The following PHF20L1 variants were observed in gnomAD, a reference collection of about 807,000 sequenced individuals.
PHF20L1 encodes the protein PHD finger protein 20 like 1.
PHF20L1 carries 44 observed loss-of-function variants against 125.5 expected under a neutral mutation model. The ratio of observed to expected loss-of-function variants is 0.35; its 90% CI spans 0.28 to 0.45. The LOEUF is 0.45. Ranked by LOEUF, PHF20L1 falls within the 20% of genes least tolerant of loss-of-function variation. PHF20L1 has a pLI of 1.00. For missense variants in PHF20L1, 1,012 were observed against 1,217.2 expected (o/e 0.83, Z 2.51); for synonymous variants, 380 against 403.1 (o/e 0.94, Z 0.69).
intron 4 of PHF20L1, among the ~76,000 whole-genome samples, chr8:132,797,847 ATTC>A (rs1832592927): frequency 6.6e-6 from 1 of 152,042 alleles, no homozygotes; most frequent in Non-Finnish European, 1.5e-5. Flanking sequence ...CTTGTTTATA[ATTC>A]TTTTATAAAG....
At chr8:132,822,401 C>T (rs2131747470) in intron 12 of PHF20L1, among the ~76,000 whole-genome samples, 1 of 152,050 alleles carries the variant, frequency 6.6e-6, no homozygotes, top group East Asian at 1.9e-4. Flanking sequence ...TTCTAAACAT[C>T]ATTGTTCCAC....
At chr8:132,779,932 A>G (rs1269822470) in intron 2 of PHF20L1, among the ~76,000 whole-genome samples, 3 of 152,196 alleles carry the variant, frequency 2.0e-5, no homozygotes, top group Non-Finnish European at 2.9e-5. Flanking sequence ...GTTTAGATTT[A>G]ATTTTAATGA....
intron 2 of PHF20L1, among the ~76,000 whole-genome samples, chr8:132,783,486 T>C (rs1447104699): frequency 6.6e-6 from 1 of 152,144 alleles, no homozygotes; most frequent in Non-Finnish European, 1.5e-5. Flanking sequence ...AAAAAGTTAC[T>C]TTTTTTCTAA....
At chr8:132,801,238 G>A (rs1353381148) in intron 6 of PHF20L1, among the ~76,000 whole-genome samples, 1 of 151,666 alleles carries the variant, frequency 6.6e-6, no homozygotes, top group African/African-American at 2.4e-5. Flanking sequence ...ACTCACTAGT[G>A]TTAATGGTTG....
chr8:132,837,151 ACTT>A (rs925978482), intron 16 of PHF20L1, among the ~76,000 whole-genome samples: 96 of 152,254 alleles, frequency 6.3e-4, no homozygotes, highest in African/African-American at 2.2e-3. Context: ...GGAGTTAACA[ACTT>A]CTTCTTGTAG....
At chr8:132,780,844 CTTT>C (rs199806400) in intron 2 of PHF20L1, among the ~76,000 whole-genome samples, 6 of 129,660 alleles carry the variant, frequency 4.6e-5, no homozygotes, top group Middle Eastern at 3.6e-3. Context: ...GTTTTTCTTG[CTTT>C]TTTTTTTTTT....
intron 19 of PHF20L1, chr8:132,843,563 C>T (rs187604198): frequency 1.6e-5 from 16 of 983,880 alleles, no homozygotes; most frequent in Admixed American, 6.2e-5. Context: ...AATTAATATC[C>T]CATGTGCAAA....
At chr8:132,783,395 A>G (rs1268247486) in intron 2 of PHF20L1, among the ~76,000 whole-genome samples, 1 of 152,216 alleles carries the variant, frequency 6.6e-6, no homozygotes, top group Non-Finnish European at 1.5e-5. Context: ...GAATTTTAAT[A>G]GTATAGGAGA....
chr8:132,811,440 A>G (rs1052969172), intron 9 of PHF20L1: 6 of 1,023,878 alleles, frequency 5.9e-6, no homozygotes, highest in Non-Finnish European at 7.0e-6. Context: ...TTACACAAAT[A>G]CTTTCCATTT....
At chr8:132,837,523 G>A (rs1379395023) in intron 16 of PHF20L1, among the ~76,000 whole-genome samples, 189 bp from the exon 17 acceptor site, 1 of 152,156 alleles carries the variant, frequency 6.6e-6, no homozygotes, top group African/African-American at 2.4e-5. Context: ...AGTTCGTGAA[G>A]TAGTTGACCA....
rs1259448929 is a variant in PHF20L1 at position 132,845,856 on chromosome 8, G to A, written c.2987G>A (p.Arg996His). 6 of 1,611,694 alleles carry A rather than the reference G, an allele frequency of 3.7e-6. No homozygotes were observed. Among genetic ancestry groups the A allele is most frequent in the Admixed American group, 1.7e-5 (1 of 59,802 alleles). The stretch of plus-strand genomic sequence containing the variant: ...CTTGCAAGATTGCCCCAACTTAAAC[G>A]CCACATAAAACAGCTCCTAATTGAC... Reference protein sequence around the residue: ...DPLARLPQLKRHIKQLLIDMG... With the variant: ...DPLARLPQLKHHIKQLLIDMG... Residue 996 changes from arginine to histidine, a missense_variant, in exon 21 of 21, where the codon CGC (arginine) becomes CAC (histidine). By Grantham distance (29) the Arg-to-His change is conservative. Transcript: ENST00000395386.
chr8:132,843,065 C>T, intron 19 of PHF20L1, 190 bp downstream of exon 19: 1 of 1,317,062 alleles, frequency 7.6e-7, no homozygotes, highest in African/African-American at 1.5e-5. Context: ...TTGATTATCT[C>T]CTAATTCAGA....
At chr8:132,805,716 A>G (rs1364959662) in intron 8 of PHF20L1, among the ~76,000 whole-genome samples, 2 of 151,924 alleles carry the variant, frequency 1.3e-5, no homozygotes, top group East Asian at 3.9e-4. Context: ...AAGCTAACTG[A>G]AAGGTGACTC....
At chr8:132,798,938 A>G (rs1563799453) in intron 5 of PHF20L1, 78 bp downstream of exon 5, 2 of 1,111,228 alleles carry the variant, frequency 1.8e-6, no homozygotes, top group Admixed American at 2.4e-5. Context: ...ATTTATATGT[A>G]TATTTTTTAA....
At chr8:132,802,471 TTTTG>T (rs1233227835) in intron 6 of PHF20L1, among the ~76,000 whole-genome samples, 1 of 151,766 alleles carries the variant, frequency 6.6e-6, no homozygotes, top group Non-Finnish European at 1.5e-5. Context: ...TTCTATAGTA[TTTTG>T]TTTATTTCTC....
intron 8 of PHF20L1, 133 bp from the exon 9 acceptor site, chr8:132,810,908 TGAAAA>T: frequency 1.6e-6 from 1 of 640,344 alleles, no homozygotes; most frequent in Non-Finnish European, 2.8e-6. Context: ...TTTGTATTTT[TGAAAA>T]GAAAACATTT....
At chr8:132,811,761 C>A in intron 9 of PHF20L1, 2 of 984,562 alleles carry the variant, frequency 2.0e-6, no homozygotes, top group Non-Finnish European at 2.4e-6. Flanking sequence ...CTTTTACATT[C>A]TCTAAGGGCT....
chr8:132,834,893 C>T (rs1188576171), intron 15 of PHF20L1, among the ~76,000 whole-genome samples: 2 of 151,832 alleles, frequency 1.3e-5, no homozygotes, highest in Non-Finnish European at 2.9e-5. Context: ...CCGTATGTCC[C>T]TGTGACTTCA....
At chr8:132,804,992 C>G (rs1004147542) in intron 8 of PHF20L1, among the ~76,000 whole-genome samples, 2 of 151,894 alleles carry the variant, frequency 1.3e-5, no homozygotes, top group African/African-American at 4.8e-5. Flanking sequence ...AGGACAAATG[C>G]TACAAAGCTC....
Sources: gnomAD v4.1 joint callset for allele counts (sites outside exome capture counted in the v4.1 genomes callset) on GRCh38, gnomAD v4.1.1 for gene constraint, MANE v1.5 for transcripts, NCBI Gene and HGNC (gene_info 2026-07-23, HGNC 2026-07-21) for gene names.